Variants in REV1 observed in about 807,000 individuals in gnomAD.
REV1 encodes translesion synthesis protein REV1.
A neutral mutation model predicts 137.4 loss-of-function variants in REV1; 42 were observed. The ratio of observed to expected loss-of-function variants is 0.31; its 90% CI spans 0.24 to 0.40. The LOEUF (loss-of-function observed/expected upper bound fraction) is 0.40. REV1 is among the 10% of genes least tolerant of loss of function. REV1 has a pLI of 1.00. For synonymous variants in REV1, 524 were observed against 519.2 expected, an observed-to-expected ratio of 1.01 and a Z score of -0.12; for missense variants, 1,282 against 1,490.1, an observed-to-expected ratio of 0.86 and a Z score of 2.30.
intron 6 of REV1, among the ~76,000 whole-genome samples, chr2:99,436,996 T>C (rs979121961): frequency 6.6e-6 from 1 of 151,076 alleles, no homozygotes; most frequent in Admixed American, 6.6e-5. Flanking sequence ...TTTTGTTTTT[T>C]TTTTTTTTTT....
chr2:99,434,333 T>C lies in REV1; in HGVS notation c.1437A>G (p.Ala479=). The C allele has an allele frequency of 6.3e-7, 1 of 1,593,698 alleles. No individual in the cohort carries two copies. Among genetic ancestry groups the C allele is most frequent in the Non-Finnish European group, 8.5e-7 (1 of 1,169,974 alleles). ...ACTTCAAAGAGAGCTCATTTGTACC[T>C]GCTTTGCCTTTCAGGATTTTATTCT... ...YYQNKILKGK[A]ADIPDSSLWE... Residue 479 remains alanine (A), a splice_region_variant and synonymous_variant, in exon 8 of 23, where the codon GCA becomes GCG. Transcript: ENST00000258428.
chr2:99,434,181 A>G (rs951681582), intron 8 of REV1, 151 bp downstream of exon 8: 4 of 476,904 alleles, frequency 8.4e-6, no homozygotes, highest in Admixed American at 3.2e-5. Context: ...CTCCAATTCA[A>G]CAAAACCTAA....
intron 1 of REV1, among the ~76,000 whole-genome samples, chr2:99,471,996 G>A (rs1002908948): frequency 6.6e-6 from 1 of 151,014 alleles, no homozygotes; most frequent in Non-Finnish European, 1.5e-5. Flanking sequence ...ATGAGAAACA[G>A]TATGGCAGTT....
At chr2:99,469,992 TC>T (rs1685232590) in intron 1 of REV1, among the ~76,000 whole-genome samples, 1 of 151,800 alleles carries the variant, frequency 6.6e-6, no homozygotes, top group African/African-American at 2.4e-5. Context: ...ATGGTGGCGG[TC>T]ACCTGTAGTC....
intron 3 of REV1, among the ~76,000 whole-genome samples, 194 bp from the exon 4 acceptor site, chr2:99,449,698 C>T (rs1250239155): frequency 6.6e-6 from 1 of 152,152 alleles, no homozygotes; most frequent in Non-Finnish European, 1.5e-5. Context: ...ATCCCCCTTC[C>T]CTGGCTGCCA....
intron 6 of REV1, among the ~76,000 whole-genome samples, chr2:99,436,384 T>C (rs1217728995): frequency 1.3e-5 from 2 of 152,196 alleles, no homozygotes; most frequent in Non-Finnish European, 2.9e-5. Context: ...CTCACAACTA[T>C]GAGGTAGGTA....
chr2:99,480,667 A>C (rs926838553), intron 1 of REV1, among the ~76,000 whole-genome samples: 15 of 152,170 alleles, frequency 9.9e-5, no homozygotes, highest in African/African-American at 3.6e-4. Flanking sequence ...CCTCAGAGCA[A>C]CTGCAATTCA....
intron 12 of REV1, among the ~76,000 whole-genome samples, chr2:99,416,077 C>A (rs961031458): frequency 6.6e-6 from 1 of 152,214 alleles, no homozygotes; most frequent in Non-Finnish European, 1.5e-5. Flanking sequence ...GTGCGCAGCA[C>A]GTATGTGGTC....
intron 11 of REV1, 94 bp downstream of exon 11, chr2:99,421,405 A>G: frequency 8.3e-7 from 1 of 1,211,438 alleles, no homozygotes; most frequent in Non-Finnish European, 1.2e-6. Context: ...TACAAGTGAG[A>G]GGAAGCTAAT....
At chr2:99,465,107 CAAT>C (rs1346852436) in intron 1 of REV1, 122 bp from the exon 2 acceptor site, 51 of 566,314 alleles carry the variant, frequency 9.0e-5, no homozygotes, top group African/African-American at 5.8e-4. Context: ...TGAAAGTATA[CAAT>C]ATTAAGTAAA....
intron 4 of REV1, among the ~76,000 whole-genome samples, chr2:99,446,724 A>T (rs1323140538): frequency 6.6e-6 from 1 of 151,996 alleles, no homozygotes; most frequent in Non-Finnish European, 1.5e-5. Context: ...TGAACTCCTG[A>T]CCTCGTGATC....
chr2:99,442,581 GTT>G, intron 4 of REV1, 112 bp from the exon 5 acceptor site: 1 of 964,352 alleles, frequency 1.0e-6, no homozygotes, highest in Non-Finnish European at 1.6e-6. Flanking sequence ...CAGGTCATCT[GTT>G]TTCCTAGTTT....
chr2:99,406,614 A>T (rs937747551), intron 15 of REV1, 124 bp from the exon 16 acceptor site: 1 of 746,028 alleles, frequency 1.3e-6, no homozygotes, highest in African/African-American at 1.8e-5. Flanking sequence ...AATAAAGGTA[A>T]ATGAAAGTAT....
intron 9 of REV1, among the ~76,000 whole-genome samples, chr2:99,426,905 C>T (rs1312539067): frequency 6.6e-6 from 1 of 152,046 alleles, no homozygotes; most frequent in Non-Finnish European, 1.5e-5. Context: ...AATTGCTGGC[C>T]GGGTGCGGTG....
At chr2:99,436,106 A>G (rs1456583448) in intron 6 of REV1, among the ~76,000 whole-genome samples, 165 bp from the exon 7 acceptor site, 1 of 135,262 alleles carries the variant, frequency 7.4e-6, no homozygotes, top group African/African-American at 2.9e-5. Context: ...CCTCAAGAGA[A>G]GCCAAATTTA....
In REV1 at chr2:99,415,159, G is replaced by C. The variant is rs372816301; in HGVS notation, c.1952-2208C>G. ...AACTTGGAGCCAGGACCAAAACCTT[G>C]AAGAGGGCTGCTAGTTTTAACTAAA... On this transcript the variant is annotated intron_variant, in intron 12 of 22. Transcript: ENST00000258428. 2.6e-5 allele frequency among the ~76,000 whole-genome samples: 4 copies of C among 152,298 alleles called. No homozygotes were observed. In the East Asian group the frequency reaches 7.7e-4, roughly 29 times the overall value.
chr2:99,417,053 A>G (rs1397774876), intron 12 of REV1, among the ~76,000 whole-genome samples: 6 of 152,218 alleles, frequency 3.9e-5, no homozygotes, highest in African/African-American at 1.4e-4. Context: ...GGTTCGATTT[A>G]AAGATGGTGT....
At position 99,442,389 on chromosome 2, in the gene REV1, A is replaced by C. The variant is rs1358248883; in HGVS notation, c.431T>G (p.Phe144Cys). 1.9e-6 allele frequency: 3 copies of C among 1,613,804 alleles called. No individual in the cohort carries two copies. The highest frequency in any genetic ancestry group is 2.5e-6 in the Non-Finnish European group (3 of 1,179,906). ...KQSSVQKGLS[F>C]NPVCRPEDPL... ...ATCCTCAGGTCTGCATACAGGATTAAAGCTGAGACCTTTCTGCACACTGGA... is the reference window on the plus strand; with the variant it reads ...ATCCTCAGGTCTGCATACAGGATTACAGCTGAGACCTTTCTGCACACTGGA... The change falls in exon 5 of 23, where the codon TTT becomes TGT. Residue 144 changes from phenylalanine to cysteine, a missense_variant. By Grantham distance (205) the Phe-to-Cys change is radical. This residue lies in a region of REV1 where 432 missense variants were observed against 438.0 expected (regional missense o/e 0.99). Transcript: ENST00000258428.
chr2:99,416,392 C>A (rs1677861308), intron 12 of REV1, among the ~76,000 whole-genome samples: 1 of 152,204 alleles, frequency 6.6e-6, no homozygotes, highest in African/African-American at 2.4e-5. Context: ...GTGGAACACA[C>A]TTCAGGACAG....
Sources: allele counts gnomAD v4.1 joint callset (sites outside exome capture counted in the v4.1 genomes callset), GRCh38; gene constraint gnomAD v4.1.1; regional missense constraint gnomAD v4.1.1; transcripts MANE v1.5; gene names NCBI Gene and HGNC (gene_info 2026-07-23, HGNC 2026-07-21).